Variants in FHL2 observed in about 807,000 individuals in gnomAD.
FHL2 encodes four and a half LIM domains 2, also known as four and a half LIM domains protein 2.
Under a neutral mutation model 32.7 loss-of-function variants are expected in FHL2, and 20 were observed. The ratio of observed to expected loss-of-function variants is 0.61; its 90% confidence interval spans 0.43 to 0.89. The LOEUF (loss-of-function observed/expected upper bound fraction) is 0.89, where lower values mean the gene tolerates loss of function less well. Ranked by LOEUF, FHL2 falls within the 40% of genes least tolerant of loss-of-function variation. FHL2 has a pLI of 0.00. For missense variants in FHL2, 311 were observed against 358.6 expected (o/e 0.87, Z 1.07); for synonymous variants, 123 against 128.1 (o/e 0.96, Z 0.27).
intron 4 of FHL2, among the ~76,000 whole-genome samples, chr2:105,373,279 G>A (rs1336016511): frequency 6.6e-6 from 1 of 152,214 alleles, no homozygotes; most frequent in African/African-American, 2.4e-5. Context: ...TGATGCAGGA[G>A]ATGTATTTTT....
At chr2:105,399,361 G>T (rs141651176), upstream of FHL2, 22 of 1,535,982 alleles carry the variant, frequency 1.4e-5, no homozygotes, top group East Asian at 5.1e-4. Flanking sequence ...GTCTGCCCAC[G>T]CCGGGATCTC....
intron 2 of FHL2, among the ~76,000 whole-genome samples, chr2:105,395,409 C>A (rs1207942384): frequency 6.6e-6 from 1 of 152,156 alleles, no homozygotes; most frequent in Non-Finnish European, 1.5e-5. Flanking sequence ...GCAGGGGTCT[C>A]CTCTCACCTC....
At chr2:105,362,861 C>T (rs1680373579) in intron 6 of FHL2, among the ~76,000 whole-genome samples, 1 of 152,198 alleles carries the variant, frequency 6.6e-6, no homozygotes, top group African/African-American at 2.4e-5. Context: ...TAGCTATGGC[C>T]TTGTGGTAGA....
At position 105,422,355 on chromosome 2, in the gene FHL2, A is replaced by T. The variant is rs185229682; in HGVS notation, c.-25+16044T>A. 7.0e-3 allele frequency among the ~76,000 whole-genome samples: 1,066 copies of T among 152,244 alleles called. 5 individuals are homozygous for T. The highest frequency in any genetic ancestry group is 0.01 in the Non-Finnish European group (684 of 68,016). On this transcript the variant is annotated intron_variant, in intron 1 of 5. Transcript: ENST00000393352. ...TGGAGGTGCATGTCATGTGCATGGG[A>T]ATTGCAGGGGCCCTATGTGGATGGA...
In FHL2 at chr2:105,391,372, C is replaced by T. The variant is rs532784773; in HGVS notation, c.-24-4832G>A. ...TATGATGGGCACGCAGAGGAGGAGC[C>T]CCTGAGAGAGCAGGCAGGCATCCCA... On this transcript the variant is annotated intron_variant, in intron 2 of 6. Coordinates refer to ENST00000530340, the MANE Select transcript of FHL2 (RefSeq NM_001318895.3). Among the ~76,000 whole-genome samples, 98 of 152,178 alleles carry T rather than the reference C, an allele frequency of 6.4e-4. 1 individual carries two copies. Among genetic ancestry groups the T allele is most frequent in the African/African-American group, 2.2e-3 (91 of 41,504 alleles).
At chr2:105,402,434 C>G (rs7558192), upstream of FHL2, among the ~76,000 whole-genome samples, 109,103 of 151,788 alleles carry the variant, frequency 0.72, 39,467 homozygotes, top group African/African-American at 0.8. Context: ...TTTTAGTAGA[C>G]ACGAGGTTTC....
chr2:105,431,340 G>T (rs886869137), intron 1 of FHL2, among the ~76,000 whole-genome samples: 8 of 152,226 alleles, frequency 5.3e-5, no homozygotes, highest in African/African-American at 1.9e-4. Context: ...TATGTAGGTG[G>T]ATGTGTATAT....
chr2:105,395,749 T>C (rs1054903226), intron 2 of FHL2, among the ~76,000 whole-genome samples: 2 of 152,248 alleles, frequency 1.3e-5, no homozygotes, highest in African/African-American at 2.4e-5. Flanking sequence ...GCATTAATTC[T>C]GTTCACCCAT....
At chr2:105,412,435 T>C (rs891912191) in intron 1 of FHL2, among the ~76,000 whole-genome samples, 1 of 152,176 alleles carries the variant, frequency 6.6e-6, no homozygotes, top group South Asian at 2.1e-4. Flanking sequence ...TTTTGACTTA[T>C]TGAAACAGAA....
rs1428264194 is a variant in FHL2 at position 105,361,151 on chromosome 2, G to A, written c.*132C>T. 3 of 899,142 alleles carry A rather than the reference G, an allele frequency of 3.3e-6. No individual in the cohort carries two copies. Among genetic ancestry groups the A allele is most frequent in the Non-Finnish European group, 5.1e-6 (3 of 583,704 alleles). The allele number at this position is 899,142 out of a possible 1,614,324, so 55.7% of individuals were successfully genotyped here. The stretch of plus-strand genomic sequence containing the variant: ...CACTAAAGGGTTTAAGCAAACGTGA[G>A]TATCACTGAAAAGCACTAGAAGAAA... On this transcript the variant is annotated 3_prime_UTR_variant, in exon 7 of 7. Coordinates refer to ENST00000530340, the MANE Select transcript of FHL2 (RefSeq NM_001318895.3).
chr2:105,386,781 TG>T (rs1682353993), intron 2 of FHL2, among the ~76,000 whole-genome samples: 6 of 147,470 alleles, frequency 4.1e-5, no homozygotes, highest in South Asian at 2.1e-4. Flanking sequence ...TTTTTTTTTT[TG>T]GAGACAGAGT....
intron 1 of FHL2, among the ~76,000 whole-genome samples, chr2:105,427,909 A>G (rs1183034331): frequency 3.3e-5 from 5 of 152,184 alleles, no homozygotes; most frequent in African/African-American, 1.2e-4. Context: ...CCATAAATTC[A>G]ATAGTCACTC....
At chr2:105,405,794 CA>C (rs1683612489) in intron 1 of FHL2, among the ~76,000 whole-genome samples, 1 of 152,240 alleles carries the variant, frequency 6.6e-6, no homozygotes, top group Non-Finnish European at 1.5e-5. Context: ...GGGTGAACCC[CA>C]GGTCCAGGAG....
At chr2:105,433,638 C>T (rs1684507199) in intron 1 of FHL2, among the ~76,000 whole-genome samples, 1 of 152,090 alleles carries the variant, frequency 6.6e-6, no homozygotes, top group African/African-American at 2.4e-5. Context: ...GCGTCCTCAC[C>T]TGTAAACAAG....
chr2:105,388,001 AGG>A (rs1682446421), intron 2 of FHL2, among the ~76,000 whole-genome samples: 1 of 152,210 alleles, frequency 6.6e-6, no homozygotes, highest in Non-Finnish European at 1.5e-5. Context: ...AAACTAATGC[AGG>A]AACAGAAAGC....
chr2:105,424,876 T>C (rs1475841078), intron 1 of FHL2, among the ~76,000 whole-genome samples: 1 of 151,462 alleles, frequency 6.6e-6, no homozygotes, highest in Non-Finnish European at 1.5e-5. Context: ...TGTCAGGGAG[T>C]GGGGGCCTGG....
intron 2 of FHL2, among the ~76,000 whole-genome samples, chr2:105,392,433 C>T (rs1682796143): frequency 6.6e-6 from 1 of 152,128 alleles, no homozygotes; most frequent in Non-Finnish European, 1.5e-5. Flanking sequence ...GATAGCATCA[C>T]TGCTCTCCAG....
intron 1 of FHL2, among the ~76,000 whole-genome samples, chr2:105,426,569 T>C (rs1456900097): frequency 1.3e-5 from 2 of 152,190 alleles, no homozygotes; most frequent in Non-Finnish European, 2.9e-5. Context: ...GAAGGCAGCC[T>C]TTGATGTGAG....
At chr2:105,382,423 GGGCTC>G in intron 3 of FHL2, among the ~76,000 whole-genome samples, 1 of 152,210 alleles carries the variant, frequency 6.6e-6, no homozygotes, top group African/African-American at 2.4e-5. Context: ...CTCCGGGTCT[GGGCTC>G]AAATTGTACC....
Sources: allele counts gnomAD v4.1 joint callset (sites outside exome capture counted in the v4.1 genomes callset), GRCh38; gene constraint gnomAD v4.1.1; transcripts MANE v1.5; gene names NCBI Gene and HGNC (gene_info 2026-07-23, HGNC 2026-07-21).